The following C11orf65 variants were observed in gnomAD, a reference collection of about 807,000 sequenced individuals.
C11orf65 encodes the protein protein MFI.
C11orf65 carries 38 observed loss-of-function variants against 35.3 expected under a neutral mutation model. That is an observed-to-expected ratio of 1.08 (90% CI 0.83 to 1.41). The LOEUF (loss-of-function observed/expected upper bound fraction) is 1.41. Ranked by LOEUF, C11orf65 falls within the 40% of genes most tolerant of loss-of-function variation. C11orf65 has a pLI of 0.00. For synonymous variants in C11orf65, 105 were observed against 114.4 expected (o/e 0.92, Z 0.53); for missense variants, 370 against 367.1 (o/e 1.01, Z -0.06).
At chr11:108,412,864 T>C (rs1024186067) in intron 3 of C11orf65, among the ~76,000 whole-genome samples, 9 of 152,200 alleles carry the variant, frequency 5.9e-5, no homozygotes, top group African/African-American at 1.9e-4. Context: ...CAGGACTAAA[T>C]GGAGCATTAC....
intron 2 of C11orf65, among the ~76,000 whole-genome samples, chr11:108,351,508 G>C (rs2089198001): frequency 6.6e-6 from 1 of 152,194 alleles, no homozygotes; most frequent in South Asian, 2.1e-4. Flanking sequence ...TTTCACTTAG[G>C]ATCTCTCATG....
At chr11:108,468,401 C>T (rs1565740909), upstream of C11orf65, among the ~76,000 whole-genome samples, 1 of 152,214 alleles carries the variant, frequency 6.6e-6, no homozygotes, top group Non-Finnish European at 1.5e-5. Context: ...CTGAGTCTGA[C>T]ACTTTGGCAG....
At chr11:108,353,647 T>G (rs2089473372) in intron 2 of C11orf65, 2 of 788,758 alleles carry the variant, frequency 2.5e-6, no homozygotes, top group Non-Finnish European at 4.5e-6. Flanking sequence ...CTGTACATAC[T>G]AGTGTTCATA....
downstream of C11orf65, chr11:108,327,758 G>C (rs1310044429): frequency 6.2e-7 from 1 of 1,612,190 alleles, no homozygotes; most frequent in Non-Finnish European, 8.5e-7. Context: ...ATCTAGAAAA[G>C]GTAAGATTTT....
chr11:108,379,010 C>T (rs1025094908), downstream of C11orf65, among the ~76,000 whole-genome samples: 13 of 152,170 alleles, frequency 8.5e-5, no homozygotes, highest in East Asian at 2.3e-3. Flanking sequence ...GAAATAGGAA[C>T]CCTTTTACAC....
Position 108,315,909 on chromosome 11 carries a change from T to G in C11orf65, c.641-6838A>C, listed in dbSNP as rs771945366. ...GAGGGAAGATGTTACAACCCATTAC[T>G]AGGTAAATTGCATTTTTCTAAACAA... On this transcript the variant is annotated intron_variant, in intron 6 of 6. Transcript: ENST00000525729. The G allele has an allele frequency of 1.9e-6, 3 of 1,610,666 alleles. No homozygotes were observed. The highest frequency in any genetic ancestry group is 2.2e-5 in the South Asian group (2 of 91,022).
At chr11:108,444,954 T>C (rs941837812) in intron 2 of C11orf65, among the ~76,000 whole-genome samples, 2 of 152,154 alleles carry the variant, frequency 1.3e-5, no homozygotes, top group Admixed American at 1.3e-4. Flanking sequence ...ACCAGGAGAT[T>C]ATATCCCACA....
intron 3 of C11orf65, among the ~76,000 whole-genome samples, chr11:108,409,532 A>G (rs1388785507): frequency 6.6e-6 from 1 of 152,158 alleles, no homozygotes; most frequent in African/African-American, 2.4e-5. Context: ...CAGGCTAGCA[A>G]TATGTGGTAT....
At chr11:108,404,298 G>T (rs2092496468) in intron 6 of C11orf65, among the ~76,000 whole-genome samples, 2 of 152,110 alleles carry the variant, frequency 1.3e-5, no homozygotes, top group South Asian at 4.1e-4. Flanking sequence ...GACCCCCTTA[G>T]GCCTGTTAGG....
intron 2 of C11orf65, among the ~76,000 whole-genome samples, chr11:108,354,070 A>AAC (rs71047689): frequency 0.26 from 30,314 of 114,584 alleles, 3,180 homozygotes; most frequent in East Asian, 0.46. Context: ...CACACACACA[A>AAC]ACACACACAC....
At chr11:108,463,179 GT>G (rs2093492492) in intron 1 of C11orf65, among the ~76,000 whole-genome samples, 1 of 152,146 alleles carries the variant, frequency 6.6e-6, no homozygotes, top group African/African-American at 2.4e-5. Context: ...TGCAAAACGT[GT>G]AAGGATTTAC....
intron 1 of C11orf65, among the ~76,000 whole-genome samples, chr11:108,466,484 G>C (rs1791714058): frequency 6.6e-6 from 1 of 152,172 alleles, no homozygotes; most frequent in African/African-American, 2.4e-5. Context: ...TGAGGCAGGA[G>C]AATAACTTGA....
intron 2 of C11orf65, among the ~76,000 whole-genome samples, chr11:108,376,064 T>C (rs2091715236): frequency 1.3e-5 from 2 of 152,020 alleles, no homozygotes; most frequent in African/African-American, 4.8e-5. Flanking sequence ...ACTGTCAACA[T>C]TAGACAGATC....
chr11:108,357,143 G>A (rs2090062872), intron 2 of C11orf65, among the ~76,000 whole-genome samples: 1 of 152,228 alleles, frequency 6.6e-6, no homozygotes, highest in Non-Finnish European at 1.5e-5. Context: ...GAAGCGCAAG[G>A]GTCAGGGAGT....
rs1212521906 is a variant in C11orf65 at position 108,349,537 on chromosome 11, C to T, written c.227-14245G>A. 2.0e-5 allele frequency among the ~76,000 whole-genome samples: 3 copies of T among 152,128 alleles called. No individual in the cohort carries two copies. In the East Asian group the frequency reaches 5.8e-4, roughly 29 times the overall value. ...AATTAGCCGGGCGAGGTGGTGGGCACCTGTAGTCCCAGCTACTTGGGAGGC... is the reference window on the plus strand; with the variant it reads ...AATTAGCCGGGCGAGGTGGTGGGCATCTGTAGTCCCAGCTACTTGGGAGGC... On this transcript the variant is annotated intron_variant, in intron 2 of 3. Transcript: ENST00000524755.
chr11:108,320,224 C>A (rs1450943203), intron 6 of C11orf65, among the ~76,000 whole-genome samples: 3 of 152,180 alleles, frequency 2.0e-5, no homozygotes, highest in Non-Finnish European at 2.9e-5. Context: ...TCCTTCAAAA[C>A]AAATTGTTTC....
intron 3 of C11orf65, among the ~76,000 whole-genome samples, chr11:108,408,657 C>T (rs999110202): frequency 1.2e-5 from 1 of 84,286 alleles, no homozygotes; most frequent in African/African-American, 4.8e-5. Context: ...GCCTGGGCAA[C>T]AGAGACTCTG....
In C11orf65 at chr11:108,383,144, T is replaced by A. The variant is rs144633070; in HGVS notation, c.819A>T (p.Ile273=). 1.4e-4 allele frequency: 220 copies of A among 1,604,314 alleles called. 1 individual carries two copies. In the African/African-American group the frequency reaches 2.4e-3, roughly 17 times the overall value. The change falls in exon 9 of 9, where the codon ATA becomes ATT. Residue 273 remains isoleucine (I), a synonymous_variant. Coordinates refer to ENST00000393084, the MANE Select transcript of C11orf65 (RefSeq NM_152587.5). ...GFRFNQAQKN[I]YNYGGDISKM... ...TTGATATGTCTCCTCCATAGTTATA[T>A]ATGTTTTTCTGTGCTTGATTAAACC...
intron 3 of C11orf65, among the ~76,000 whole-genome samples, chr11:108,426,126 T>C (rs945615822): frequency 1.3e-5 from 2 of 152,110 alleles, no homozygotes; most frequent in Admixed American, 6.5e-5. Flanking sequence ...CTTTTCAACA[T>C]AGTATTGGAA....
Sources: gnomAD v4.1 joint callset for allele counts (sites outside exome capture counted in the v4.1 genomes callset) on GRCh38, gnomAD v4.1.1 for gene constraint, MANE v1.5 for transcripts, NCBI Gene and HGNC (gene_info 2026-07-23, HGNC 2026-07-21) for gene names.